The following PKN2 variants were observed in gnomAD, a reference collection of about 807,000 sequenced individuals.
The protein encoded by PKN2 is serine/threonine-protein kinase N2.
In PKN2, 38 loss-of-function variants were observed where a neutral mutation model predicts 119.1. The ratio of observed to expected loss-of-function variants is 0.32; its 90% CI spans 0.25 to 0.42. The LOEUF is 0.42. Ranked by LOEUF, PKN2 falls within the 10% of genes least tolerant of loss-of-function variation. The pLI is 1.00. For missense variants in PKN2, 850 were observed against 1,165.1 expected, an observed-to-expected ratio of 0.73 and a Z score of 3.94; for synonymous variants, 390 against 384.9, an observed-to-expected ratio of 1.01 and a Z score of -0.15.
At chr1:88,824,588 G>A (rs1443951692) in intron 18 of PKN2, among the ~76,000 whole-genome samples, 2 of 152,122 alleles carry the variant, frequency 1.3e-5, no homozygotes, top group Non-Finnish European at 2.9e-5. Flanking sequence ...AATAAGGTTA[G>A]ATGTATAGAA....
At chr1:88,690,659 C>T (rs1449103780) in intron 1 of PKN2, among the ~76,000 whole-genome samples, 3 of 152,094 alleles carry the variant, frequency 2.0e-5, no homozygotes, top group Non-Finnish European at 2.9e-5. Flanking sequence ...TTAATTTTAT[C>T]TGATGAAATC....
At chr1:88,724,680 TCC>T (rs1458225185) in intron 1 of PKN2, among the ~76,000 whole-genome samples, 1,495 of 135,630 alleles carry the variant, frequency 0.011, 21 homozygotes, top group African/African-American at 0.046. Context: ...CAAGCAATTC[TCC>T]TGCCCCAGCC....
chr1:88,794,984 T>G (rs966618701), intron 8 of PKN2, among the ~76,000 whole-genome samples: 9 of 152,234 alleles, frequency 5.9e-5, no homozygotes, highest in Non-Finnish European at 1.3e-4. Context: ...ATGATCACAT[T>G]TACTACTGCA....
chr1:88,720,187 AT>A (rs1303639143), intron 1 of PKN2, among the ~76,000 whole-genome samples: 5 of 151,784 alleles, frequency 3.3e-5, no homozygotes, highest in African/African-American at 1.2e-4. Context: ...GTGCACGCTA[AT>A]TTTTGCAATT....
At chr1:88,708,402 C>T (rs928962670) in intron 1 of PKN2, among the ~76,000 whole-genome samples, 11 of 151,924 alleles carry the variant, frequency 7.2e-5, no homozygotes, top group East Asian at 1.9e-4. Context: ...TGTGTTTCTT[C>T]GGGGTACTGC....
At chr1:88,778,687 A>G (rs1395502893) in intron 6 of PKN2, among the ~76,000 whole-genome samples, 3 of 149,584 alleles carry the variant, frequency 2.0e-5, no homozygotes, top group Non-Finnish European at 4.4e-5. Context: ...GATGCCCTCC[A>G]CTTAGCTGTT....
At chr1:88,799,303 G>C (rs768899684) in intron 8 of PKN2, among the ~76,000 whole-genome samples, 43 of 152,166 alleles carry the variant, frequency 2.8e-4, no homozygotes, top group Admixed American at 8.5e-4. Flanking sequence ...TGTTGTCTCT[G>C]TATTTCTCAT....
Position 88,805,626 on chromosome 1 carries a change from T to A in PKN2, c.1631T>A (p.Val544Glu). The A allele has an allele frequency of 6.2e-7, 1 of 1,614,126 alleles. No homozygotes were observed. Among genetic ancestry groups the A allele is most frequent in the Non-Finnish European group, 8.5e-7 (1 of 1,180,002 alleles). The change falls in exon 11 of 22, where the codon GTG becomes GAG. Residue 544 changes from valine to glutamate, a missense_variant. Physicochemically the swap from Val to Glu is moderately radical, Grantham distance 121 (BLOSUM62 -2). Transcript: ENST00000370521. Reference sequence around the variant, plus strand: ...CCTCAAGCTCCTGTGCCTACTACAGTGCCAGTGGTTGATGTACGCATCCCT... The same window carrying A: ...CCTCAAGCTCCTGTGCCTACTACAGAGCCAGTGGTTGATGTACGCATCCCT... ...FSPQAPVPTTVPVVDVRIPQL... is the reference protein window; with the variant it reads ...FSPQAPVPTTEPVVDVRIPQL...
At chr1:88,696,834 C>A (rs1219558739) in intron 1 of PKN2, among the ~76,000 whole-genome samples, 1 of 152,108 alleles carries the variant, frequency 6.6e-6, no homozygotes, top group Non-Finnish European at 1.5e-5. Context: ...TACTTTTCAT[C>A]ATCTGACCCC....
Position 88,741,217 on chromosome 1 carries a change from TAGA to T in PKN2, c.283_285del (p.Glu95del). ...ATTTTGAAAAAATCAAATAAAAAAT[TAGA>T]AGAACTACATCACAAGCTGCAGGAA... On this transcript the variant is annotated inframe_deletion, in exon 2 of 22. Transcript: ENST00000370521. The T allele has an allele frequency of 6.2e-7, 1 of 1,602,066 alleles. No individual in the cohort carries two copies. The highest frequency in any genetic ancestry group is 8.5e-7 in the Non-Finnish European group (1 of 1,176,320).
At chr1:88,826,220 C>T (rs1254484829) in intron 18 of PKN2, among the ~76,000 whole-genome samples, 1 of 152,084 alleles carries the variant, frequency 6.6e-6, no homozygotes, top group African/African-American at 2.4e-5. Flanking sequence ...ACACAGGTGC[C>T]TAGAACATAA....
rs369591540 is a variant in PKN2 at position 88,807,516 on chromosome 1, T to G, written c.1935-13T>G. 38 of 1,608,702 alleles carry G rather than the reference T, an allele frequency of 2.4e-5. No individual in the cohort carries two copies. In the African/African-American group the frequency reaches 5.0e-4, roughly 21 times the overall value. On this transcript the variant is annotated splice_polypyrimidine_tract_variant and intron_variant, in intron 13 of 21. Coordinates refer to ENST00000370521, the MANE Select transcript of PKN2 (RefSeq NM_006256.4). The stretch of plus-strand genomic sequence containing the variant: ...TTTATTGTCTTATTATTAATTGAAA[T>G]TTCTCTTTTCAGATCTCAGCAAAGG...
chr1:88,767,750 A>G (rs1365322995), intron 3 of PKN2, among the ~76,000 whole-genome samples: 26 of 152,254 alleles, frequency 1.7e-4, no homozygotes, highest in Admixed American at 1.7e-3. Context: ...AGAAAAATTT[A>G]TAAATTTCAT....
chr1:88,733,843 A>G (rs992699993), intron 1 of PKN2, among the ~76,000 whole-genome samples: 2 of 152,214 alleles, frequency 1.3e-5, no homozygotes, highest in Non-Finnish European at 2.9e-5. Flanking sequence ...ACGTTCCAAT[A>G]AGCATTTAGT....
At chr1:88,811,159 ATAT>A (rs1258081194) in intron 15 of PKN2, among the ~76,000 whole-genome samples, 1 of 152,110 alleles carries the variant, frequency 6.6e-6, no homozygotes, top group African/African-American at 2.4e-5. Context: ...CTGAGTAAGG[ATAT>A]TATGTTTATG....
chr1:88,759,302 G>A (rs564208031), intron 2 of PKN2, among the ~76,000 whole-genome samples: 4 of 152,330 alleles, frequency 2.6e-5, no homozygotes, highest in Admixed American at 6.5e-5. Context: ...GGCAGAGGTT[G>A]CAGTGAGCCA....
chr1:88,770,875 G>A (rs1410655599), intron 4 of PKN2, among the ~76,000 whole-genome samples: 7 of 149,386 alleles, frequency 4.7e-5, no homozygotes, highest in South Asian at 2.1e-4. Context: ...GTGAGCCACC[G>A]CGCCCGGCCC....
chr1:88,750,998 CT>C lies in PKN2; in HGVS notation c.350-9220del, dbSNP rs1196218492. On this transcript the variant is annotated intron_variant, in intron 2 of 21. Coordinates refer to ENST00000370521, the MANE Select transcript of PKN2 (RefSeq NM_006256.4). ...AGTGCTGTTAGTTTCTTGATTTAAA[CT>C]TTTCAATGGATCTTCATTTGCTACA... 2.6e-5 allele frequency among the ~76,000 whole-genome samples: 4 copies of C among 152,232 alleles called. No individual in the cohort carries two copies. The South Asian group carries it at 8.3e-4, about 32-fold the overall frequency.
At chr1:88,824,528 AT>A (rs1672421993) in intron 18 of PKN2, 142 bp downstream of exon 18, 1 of 567,714 alleles carries the variant, frequency 1.8e-6, no homozygotes, top group Non-Finnish European at 3.2e-6. Context: ...CAATGAAAAC[AT>A]TGCTTATATA....
Sources: allele counts gnomAD v4.1 joint callset (sites outside exome capture counted in the v4.1 genomes callset), GRCh38; gene constraint gnomAD v4.1.1; transcripts MANE v1.5; gene names NCBI Gene and HGNC (gene_info 2026-07-23, HGNC 2026-07-21).